The following SLF1 variants were observed in gnomAD, a reference collection of about 807,000 sequenced individuals.
The protein encoded by SLF1 is SMC5/6 complex localization factor 1, also known as SMC5-SMC6 complex localization factor protein 1.
Under a neutral mutation model 123.0 loss-of-function variants are expected in SLF1, and 105 were observed. The observed-to-expected ratio is 0.85, with a 90% CI of 0.73 to 1.00. The LOEUF is 1.00. Ranked by LOEUF, SLF1 falls within the 50% of genes least tolerant of loss-of-function variation. The pLI is 0.00. For missense variants in SLF1, 1,239 were observed against 1,223.0 expected, an observed-to-expected ratio of 1.01 and a Z score of -0.20; for synonymous variants, 434 against 406.6, an observed-to-expected ratio of 1.07 and a Z score of -0.81.
chr5:94,692,304 T>C (rs1311842543), intron 20 of SLF1, 48 bp downstream of exon 20: 1 of 1,565,956 alleles, frequency 6.4e-7, no homozygotes, highest in Non-Finnish European at 8.7e-7. Flanking sequence ...TCCAGTTTTT[T>C]GATGAATCCT....
chr5:94,629,402 TTTTG>T (rs145684527), intron 3 of SLF1, among the ~76,000 whole-genome samples: 33,649 of 151,398 alleles, frequency 0.22, 3,801 homozygotes, highest in East Asian at 0.35. Context: ...ATTTAGTGTG[TTTTG>T]TTTAAGACAA....
intron 1 of SLF1, among the ~76,000 whole-genome samples, chr5:94,625,208 A>C (rs917860165): frequency 6.6e-6 from 1 of 151,252 alleles, no homozygotes; most frequent in Non-Finnish European, 1.5e-5. Flanking sequence ...AAAAAAAAAA[A>C]ATATTAAACA....
chr5:94,663,899 C>G lies in SLF1; in HGVS notation c.1359C>G (p.Asn453Lys), dbSNP rs566396193. The change falls in exon 11 of 21, where the codon AAC becomes AAG. Residue 453 changes from asparagine (N) to lysine (K), a missense_variant. Coordinates refer to ENST00000265140, the MANE Select transcript of SLF1 (RefSeq NM_032290.4). Reference protein sequence around the residue: ...PVCVLHALLENVLQDNIDTFS... With the variant: ...PVCVLHALLEKVLQDNIDTFS... Reference sequence around the variant, plus strand: ...GCGTTCTTCATGCCCTTCTAGAGAACGTTCTACAGGTAAGAGCAGCCTTAA... The same window carrying G: ...GCGTTCTTCATGCCCTTCTAGAGAAGGTTCTACAGGTAAGAGCAGCCTTAA... The G allele has an allele frequency of 9.8e-6, 15 of 1,530,230 alleles. No individual in the cohort carries two copies. Among genetic ancestry groups the G allele is most frequent in the South Asian group, 3.8e-5 (3 of 78,320 alleles). 94.8% of individuals were successfully genotyped at this position (1,530,230 alleles called of 1,614,324 possible).
intron 15 of SLF1, among the ~76,000 whole-genome samples, chr5:94,683,524 AACTT>A (rs1261252693): frequency 6.6e-6 from 1 of 152,230 alleles, no homozygotes; most frequent in African/African-American, 2.4e-5. Flanking sequence ...GAGATTGGTG[AACTT>A]ACTTTTATAC....
chr5:94,691,413 T>A (rs1753040937), intron 18 of SLF1, 151 bp from the exon 19 acceptor site: 1 of 222,348 alleles, frequency 4.5e-6, no homozygotes, highest in Admixed American at 6.4e-5. Flanking sequence ...CCCGCCTTTT[T>A]AAATGCAGGG....
At chr5:94,638,845 G>T (rs1746111444) in intron 4 of SLF1, among the ~76,000 whole-genome samples, 2 of 152,152 alleles carry the variant, frequency 1.3e-5, no homozygotes, top group Non-Finnish European at 2.9e-5. Flanking sequence ...ACATCAGCAT[G>T]TACATCATTT....
intron 15 of SLF1, among the ~76,000 whole-genome samples, chr5:94,682,269 AT>A (rs1392811367): frequency 6.6e-6 from 1 of 152,088 alleles, no homozygotes; most frequent in Non-Finnish European, 1.5e-5. Flanking sequence ...TGTTGTAATA[AT>A]GTCCATTTTG....
At chr5:94,668,669 G>A (rs1750096166) in intron 12 of SLF1, among the ~76,000 whole-genome samples, 1 of 152,068 alleles carries the variant, frequency 6.6e-6, no homozygotes, top group South Asian at 2.1e-4. Flanking sequence ...TTGTAGAGGT[G>A]AAGTCTCCCT....
At chr5:94,675,577 T>C (rs1271797165) in intron 14 of SLF1, among the ~76,000 whole-genome samples, 1 of 152,194 alleles carries the variant, frequency 6.6e-6, no homozygotes, top group Non-Finnish European at 1.5e-5. Flanking sequence ...ATTATTGTTA[T>C]GAGTGTGCTA....
At chr5:94,653,701 G>A (rs1462489064) in intron 8 of SLF1, among the ~76,000 whole-genome samples, 1 of 152,124 alleles carries the variant, frequency 6.6e-6, no homozygotes, top group Non-Finnish European at 1.5e-5. Context: ...TTCTTAAAAT[G>A]AAAAAATCTT....
chr5:94,650,938 A>T (rs1747644202), intron 6 of SLF1, among the ~76,000 whole-genome samples: 1 of 152,220 alleles, frequency 6.6e-6, no homozygotes, highest in Non-Finnish European at 1.5e-5. Context: ...GCAAAAGAAT[A>T]AAATAGAAAT....
At chr5:94,667,938 G>A (rs975480106) in intron 12 of SLF1, among the ~76,000 whole-genome samples, 1 of 151,764 alleles carries the variant, frequency 6.6e-6, no homozygotes, top group African/African-American at 2.4e-5. Flanking sequence ...TGTAGAAATG[G>A]GGTTTTACCA....
intron 12 of SLF1, among the ~76,000 whole-genome samples, chr5:94,668,972 C>G (rs1167940843): frequency 6.6e-6 from 1 of 151,994 alleles, no homozygotes; most frequent in Non-Finnish European, 1.5e-5. Context: ...AATATAATGC[C>G]TGGAATGTAA....
At chr5:94,651,551 A>G (rs1402029243) in intron 6 of SLF1, 151 bp from the exon 7 acceptor site, 2 of 475,514 alleles carry the variant, frequency 4.2e-6, no homozygotes, top group East Asian at 4.1e-5. Context: ...ATCTTACATA[A>G]TTCAGAGGGT....
At chr5:94,622,790 T>C (rs775658390) in intron 1 of SLF1, among the ~76,000 whole-genome samples, 33 of 152,106 alleles carry the variant, frequency 2.2e-4, no homozygotes, top group Non-Finnish European at 4.4e-4. Context: ...TACCATACAA[T>C]TTATTTCTAA....
chr5:94,640,631 T>C (rs1050910392), intron 4 of SLF1, among the ~76,000 whole-genome samples: 5 of 152,198 alleles, frequency 3.3e-5, no homozygotes, highest in African/African-American at 9.7e-5. Context: ...TTAAACTATT[T>C]GATTATTTTC....
rs146614900 is a variant in SLF1 at position 94,630,239 on chromosome 5, G to A, written c.191-264G>A. ...TTTAGAATTATATTTAAATGAAACT[G>A]TAATTATAACTAAGTTATAGCTATG... On this transcript the variant is annotated intron_variant, in intron 3 of 20. Transcript: ENST00000265140. 5.6e-3 allele frequency among the ~76,000 whole-genome samples: 857 copies of A among 152,102 alleles called. 7 individuals carry two copies. The highest frequency in any genetic ancestry group is 0.019 in the African/African-American group (795 of 41,508).
chr5:94,673,451 G>T (rs902457392), intron 14 of SLF1, among the ~76,000 whole-genome samples: 1 of 151,970 alleles, frequency 6.6e-6, no homozygotes, highest in African/African-American at 2.4e-5. Flanking sequence ...GAAGTGGAAG[G>T]ATTGCTTGCG....
chr5:94,659,611 T>G lies in SLF1; in HGVS notation c.1156-2687T>G, dbSNP rs75711550. ...TCTGTAGTCATCCACAGTGTTATCT[T>G]TGAGTTTGTCAGTGGCTTAGGCTAC... On this transcript the variant is annotated intron_variant, in intron 9 of 20. Coordinates refer to ENST00000265140, the MANE Select transcript of SLF1 (RefSeq NM_032290.4). 4.1e-4 allele frequency among the ~76,000 whole-genome samples: 62 copies of G among 152,342 alleles called. 1 individual carries two copies. The East Asian group carries it at 0.012, about 28-fold the overall frequency.
Sources: allele counts gnomAD v4.1 joint callset (sites outside exome capture counted in the v4.1 genomes callset), GRCh38; gene constraint gnomAD v4.1.1; transcripts MANE v1.5; gene names NCBI Gene and HGNC (gene_info 2026-07-23, HGNC 2026-07-21).